PCSK5: variants seen among roughly 807,000 people sequenced by gnomAD.
PCSK5 encodes the protein prohormone convertase 5.
In PCSK5, 129 loss-of-function variants were observed where a neutral mutation model predicts 233.2. The observed-to-expected ratio is 0.55, with a 90% CI of 0.48 to 0.64. PCSK5 has a LOEUF of 0.64. Among genes scored for constraint, PCSK5 ranks in the 30% least tolerant of loss-of-function variants. The probability of loss-of-function intolerance (pLI) is 0.00; values close to 1 mark genes in which losing one functional copy is unlikely to be tolerated. For missense variants in PCSK5, 2,076 were observed against 2,430.1 expected (o/e 0.85, Z 3.06); for synonymous variants, 825 against 879.2 (o/e 0.94, Z 1.09).
intron 1 of PCSK5, among the ~76,000 whole-genome samples, chr9:75,930,177 T>A (rs918927859): frequency 6.6e-6 from 1 of 152,188 alleles, no homozygotes; most frequent in Non-Finnish European, 1.5e-5. Flanking sequence ...TCTTGAGACT[T>A]ATTCACTACC....
intron 22 of PCSK5, among the ~76,000 whole-genome samples, chr9:76,237,639 G>A (rs1392496337): frequency 6.6e-6 from 1 of 151,834 alleles, no homozygotes; most frequent in Admixed American, 6.6e-5. Flanking sequence ...GGTTGGGCAT[G>A]GTGGCACGCA....
At chr9:76,283,711 G>A (rs1018651517) in intron 24 of PCSK5, among the ~76,000 whole-genome samples, 1 of 152,102 alleles carries the variant, frequency 6.6e-6, no homozygotes, top group Non-Finnish European at 1.5e-5. Context: ...CATAACCAAT[G>A]ATTATTTTGA....
chr9:76,314,268 A>C (rs1410106526), intron 30 of PCSK5, among the ~76,000 whole-genome samples: 1 of 152,228 alleles, frequency 6.6e-6, no homozygotes, highest in Non-Finnish European at 1.5e-5. Context: ...GAGCAGTAGG[A>C]AAGCTACCAG....
rs528599589 is a variant in PCSK5, at chr9:76,099,937, C to T, written c.1107+3835C>T. On this transcript the variant is annotated intron_variant, in intron 8 of 37. Transcript: ENST00000674117. ...TTGAACCAAGACAGTTGCTGAGGAT[C>T]TGAGGAGAGAGGGAAAAAAATCTCT... Among the ~76,000 whole-genome samples, 90 of 152,164 alleles carry T rather than the reference C, an allele frequency of 5.9e-4. 1 individual carries two copies. The highest frequency in any genetic ancestry group is 1.1e-3 in the Non-Finnish European group (75 of 68,040).
At chr9:76,344,753 G>A (rs1162773969) in intron 35 of PCSK5, among the ~76,000 whole-genome samples, 2 of 152,096 alleles carry the variant, frequency 1.3e-5, no homozygotes, top group African/African-American at 2.4e-5. Flanking sequence ...TTTGATTTGC[G>A]AAATCTGACG....
At chr9:76,350,728 C>T (rs1313067719) in intron 35 of PCSK5, 100 bp from the exon 36 acceptor site, 15 of 760,544 alleles carry the variant, frequency 2.0e-5, no homozygotes, top group Non-Finnish European at 4.5e-6. Flanking sequence ...CCTTCTGCTT[C>T]AATTTACTTG....
At chr9:76,204,319 A>G (rs886791696) in intron 20 of PCSK5, among the ~76,000 whole-genome samples, 1 of 152,140 alleles carries the variant, frequency 6.6e-6, no homozygotes, top group African/African-American at 2.4e-5. Context: ...TCTAATCACA[A>G]TGCTCTCCTG....
intron 9 of PCSK5, among the ~76,000 whole-genome samples, chr9:76,115,612 A>G (rs537754720): frequency 1.9e-4 from 29 of 152,076 alleles, no homozygotes; most frequent in Non-Finnish European, 2.8e-4. Flanking sequence ...GTAACACCCC[A>G]AATACCATCA....
intron 20 of PCSK5, among the ~76,000 whole-genome samples, chr9:76,197,367 T>C (rs756756036): frequency 6.6e-6 from 1 of 152,168 alleles, no homozygotes; most frequent in Admixed American, 6.5e-5. Flanking sequence ...GATTCATTAT[T>C]TTCCGCTGAA....
At chr9:76,325,829 GT>G (rs1829344688) in intron 32 of PCSK5, among the ~76,000 whole-genome samples, 1 of 152,080 alleles carries the variant, frequency 6.6e-6, no homozygotes, top group Non-Finnish European at 1.5e-5. Context: ...TAGAGACAGA[GT>G]TTCTCCATAT....
intron 3 of PCSK5, among the ~76,000 whole-genome samples, chr9:76,022,845 C>CA (rs967827597): frequency 6.6e-6 from 1 of 152,018 alleles, no homozygotes; most frequent in African/African-American, 2.4e-5. Context: ...TTTTCCTTCT[C>CA]AAAAAAATAG....
chr9:76,239,073 T>C lies in PCSK5; in HGVS notation c.2981T>C (p.Leu994Pro). Reference protein sequence around the residue: ...TCLPCPDNCELCHSVHVCTRC... With the variant: ...TCLPCPDNCEPCHSVHVCTRC... Reference sequence around the variant, plus strand: ...CTGCCCTGCCCAGACAACTGTGAGCTTTGCCACAGCGTGCATGTCTGCACA... The same window carrying C: ...CTGCCCTGCCCAGACAACTGTGAGCCTTGCCACAGCGTGCATGTCTGCACA... The change falls in exon 23 of 38, where the codon CTT (leucine) becomes CCT (proline). Residue 994 changes from leucine (L) to proline (P), a missense_variant. Around this residue, in one of 6 missense-constraint regions of PCSK5, gnomAD observed 1,510 missense variants for 1,538.1 expected, o/e 0.98. Coordinates refer to ENST00000674117, the MANE Select transcript of PCSK5 (RefSeq NM_001372043.1). The C allele has an allele frequency of 9.3e-6, 15 of 1,610,802 alleles. No homozygotes were observed. Among genetic ancestry groups the C allele is most frequent in the Non-Finnish European group, 1.3e-5 (15 of 1,179,028 alleles).
At chr9:76,217,855 C>CT (rs1490475108) in intron 20 of PCSK5, among the ~76,000 whole-genome samples, 1 of 152,204 alleles carries the variant, frequency 6.6e-6, no homozygotes, top group East Asian at 1.9e-4. Context: ...CCTGAGCTCT[C>CT]TGACACCTGG....
chr9:75,998,120 G>A lies in PCSK5; in HGVS notation c.411+11875G>A, dbSNP rs1262960522. Among the ~76,000 whole-genome samples, 5 of 152,222 alleles carry A rather than the reference G, an allele frequency of 3.3e-5. No individual in the cohort carries two copies. In the South Asian group the frequency reaches 6.2e-4, roughly 19 times the overall value. On this transcript the variant is annotated intron_variant, in intron 3 of 37. Coordinates refer to ENST00000674117, the MANE Select transcript of PCSK5 (RefSeq NM_001372043.1). Reference sequence around the variant, plus strand: ...TAGTGCCTTTAAAACTTGGTCTTTGGATGTGTTACCTAGTGATAGAGAAAT... The same window carrying A: ...TAGTGCCTTTAAAACTTGGTCTTTGAATGTGTTACCTAGTGATAGAGAAAT...
At chr9:76,355,299 T>C (rs184872764) in intron 37 of PCSK5, among the ~76,000 whole-genome samples, 3,867 of 152,128 alleles carry the variant, frequency 0.025, 148 homozygotes, top group African/African-American at 0.084. Context: ...AGTGAAACCC[T>C]GTCTCTACTA....
In PCSK5 at chr9:75,949,066, C is replaced by A. The variant is rs116037417; in HGVS notation, c.297+16583C>A. On this transcript the variant is annotated intron_variant, in intron 2 of 37. Coordinates refer to ENST00000674117, the MANE Select transcript of PCSK5 (RefSeq NM_001372043.1). Reference sequence around the variant, plus strand: ...ATATTTTAAGAAAACTTATCACTAACACATCTGAAGTTTATATTTGTATCT... The same window carrying A: ...ATATTTTAAGAAAACTTATCACTAAAACATCTGAAGTTTATATTTGTATCT... 4.0e-3 allele frequency among the ~76,000 whole-genome samples: 603 copies of A among 149,688 alleles called. 3 individuals carry two copies. The highest frequency in any genetic ancestry group is 0.013 in the African/African-American group (539 of 40,504).
rs559228613 is a variant in PCSK5, at chr9:75,982,407, T to C, written c.298-3725T>C. Among the ~76,000 whole-genome samples the C allele has an allele frequency of 9.2e-5, 14 of 152,326 alleles. 1 individual carries two copies. The South Asian group carries it at 1.5e-3, about 16-fold the overall frequency. ...TATCCTCCATAGAGTTGTACACGTT[T>C]CCATTCCCCTCACCATTATGTGAGA... On this transcript the variant is annotated intron_variant, in intron 2 of 37. Transcript: ENST00000674117.
At chr9:75,969,850 G>A (rs1191824919) in intron 2 of PCSK5, among the ~76,000 whole-genome samples, 1 of 151,682 alleles carries the variant, frequency 6.6e-6, no homozygotes, top group African/African-American at 2.4e-5. Context: ...CTCAAACACG[G>A]GTTCCTTGGA....
At chr9:76,357,411 G>A (rs796638991) in intron 37 of PCSK5, among the ~76,000 whole-genome samples, 14 of 152,236 alleles carry the variant, frequency 9.2e-5, no homozygotes, top group African/African-American at 3.4e-4. Flanking sequence ...TAGCTACACA[G>A]GAGGCTAAGG....
Sources: gnomAD v4.1 joint callset for allele counts (sites outside exome capture counted in the v4.1 genomes callset) on GRCh38, gnomAD v4.1.1 for gene constraint, gnomAD v4.1.1 regional missense constraint, MANE v1.5 for transcripts, NCBI Gene and HGNC (gene_info 2026-07-23, HGNC 2026-07-21) for gene names.